The following FNIP2 variants were observed in gnomAD, a reference collection of about 807,000 sequenced individuals.
The protein encoded by FNIP2 is folliculin interacting protein 2.
Under a neutral mutation model 108.7 loss-of-function variants are expected in FNIP2, and 32 were observed. That is an observed-to-expected ratio of 0.29 (90% CI 0.22 to 0.40). The LOEUF is 0.40. FNIP2 is among the 10% of genes least tolerant of loss of function. FNIP2 has a pLI of 1.00. For synonymous variants in FNIP2, 480 were observed against 496.7 expected, an observed-to-expected ratio of 0.97 and a Z score of 0.45; for missense variants, 1,202 against 1,381.6, an observed-to-expected ratio of 0.87 and a Z score of 2.06.
chr4:158,824,232 G>A (rs1451298669), intron 1 of FNIP2, among the ~76,000 whole-genome samples: 1 of 152,186 alleles, frequency 6.6e-6, no homozygotes, highest in African/African-American at 2.4e-5. Flanking sequence ...GGCACTTTAC[G>A]CTTTGTAGGA....
intron 1 of FNIP2, among the ~76,000 whole-genome samples, chr4:158,790,028 C>T (rs190561671): frequency 6.6e-5 from 10 of 152,030 alleles, no homozygotes; most frequent in Non-Finnish European, 1.2e-4. Context: ...TTATGGGTCA[C>T]GGTCCCAACA....
At position 158,851,464 on chromosome 4, in the gene FNIP2, TTCC is replaced by T. The variant is rs1560801251; in HGVS notation, c.857+17_857+19del. The stretch of plus-strand genomic sequence containing the variant: ...CATCCCAAGAAGGTGAGTTGCAAGT[TTCC>T]TCTTGCTGAGAAAAGTAGGAGTGTA... On this transcript the variant is annotated intron_variant, in intron 8 of 16. Transcript: ENST00000264433. 1 of 1,613,808 alleles carries T rather than the reference TTCC, an allele frequency of 6.2e-7. No individual in the cohort carries two copies. Among genetic ancestry groups the T allele is most frequent in the South Asian group, 1.1e-5 (1 of 91,058 alleles).
intron 3 of FNIP2, among the ~76,000 whole-genome samples, chr4:158,830,203 C>A (rs964278569): frequency 6.7e-6 from 1 of 149,214 alleles, no homozygotes; most frequent in Admixed American, 6.7e-5. Context: ...TGAGCTATAA[C>A]GAGAGAGAGG....
Position 158,851,404 on chromosome 4 carries a change from C to T in FNIP2, c.811C>T (p.Leu271Phe), listed in dbSNP as rs373450479. 2 of 1,613,816 alleles carry T rather than the reference C, an allele frequency of 1.2e-6. No homozygotes were observed. Among genetic ancestry groups the T allele is most frequent in the South Asian group, 2.2e-5 (2 of 91,086 alleles). ...SSSSSYQRRWLRSQTTSLENG... is the reference protein window; with the variant it reads ...SSSSSYQRRWFRSQTTSLENG... ...TTCCAGCAGTTACCAGCGCCGCTGG[C>T]TTCGAAGTCAGACAACAAGTTTGGA... The change falls in exon 8 of 17, where the codon CTT becomes TTT. Residue 271 changes from leucine (L) to phenylalanine (F), a missense_variant. Physicochemically the swap from Leu to Phe is conservative, Grantham distance 22. Around this residue, in one of 5 missense-constraint regions of FNIP2, gnomAD observed 878 missense variants for 990.3 expected, o/e 0.89. Coordinates refer to ENST00000264433, the MANE Select transcript of FNIP2 (RefSeq NM_020840.3).
rs533577857 is a variant in FNIP2, at chr4:158,788,423, A to G, written c.107+19104A>G. Among the ~76,000 whole-genome samples, 12 of 152,334 alleles carry G rather than the reference A, an allele frequency of 7.9e-5. No homozygotes were observed. In the South Asian group the frequency reaches 1.9e-3, roughly 24 times the overall value. On this transcript the variant is annotated intron_variant, in intron 1 of 16. Coordinates refer to ENST00000264433, the MANE Select transcript of FNIP2 (RefSeq NM_020840.3). The stretch of plus-strand genomic sequence containing the variant: ...CAAATGTCTGAATAAATCAATAAGC[A>G]AAGGCCCGCTTAGCTCATGCTATAA...
intron 7 of FNIP2, among the ~76,000 whole-genome samples, chr4:158,839,376 T>TTTATTTA (rs781340690): frequency 1.9e-5 from 2 of 107,166 alleles, no homozygotes; most frequent in Admixed American, 9.0e-5. Flanking sequence ...TTATTTATTT[T>TTTATTTA]TTGGAGACGG....
intron 1 of FNIP2, among the ~76,000 whole-genome samples, chr4:158,782,073 T>G (rs6829398): frequency 6.6e-6 from 1 of 151,564 alleles, no homozygotes; most frequent in African/African-American, 2.4e-5. Flanking sequence ...TCCCTCCAGC[T>G]CTTTCCCTGT....
At chr4:158,888,491 C>G (rs1310949660) in intron 14 of FNIP2, among the ~76,000 whole-genome samples, 1 of 152,158 alleles carries the variant, frequency 6.6e-6, no homozygotes, top group Non-Finnish European at 1.5e-5. Context: ...AGATTCAGCC[C>G]CACTTTCAAG....
chr4:158,862,454 C>T (rs915020326), intron 12 of FNIP2, among the ~76,000 whole-genome samples: 7 of 152,028 alleles, frequency 4.6e-5, no homozygotes, highest in Non-Finnish European at 7.4e-5. Flanking sequence ...GGGTAAAAGG[C>T]GTGTTCTAAA....
chr4:158,829,372 G>T, intron 3 of FNIP2, 147 bp downstream of exon 3: 1 of 671,292 alleles, frequency 1.5e-6, no homozygotes. Context: ...GTTTCACATC[G>T]ATGTTGTTTT....
intron 1 of FNIP2, among the ~76,000 whole-genome samples, chr4:158,791,139 A>G (rs1189514660): frequency 6.6e-6 from 1 of 152,100 alleles, no homozygotes; most frequent in Non-Finnish European, 1.5e-5. Context: ...ATTTTCTGAT[A>G]GGAATTTGTG....
chr4:158,845,804 A>G (rs891277822), intron 7 of FNIP2, among the ~76,000 whole-genome samples: 1 of 152,260 alleles, frequency 6.6e-6, no homozygotes, highest in Non-Finnish European at 1.5e-5. Context: ...ATTAACAATG[A>G]TGTGCCACAG....
At chr4:158,891,752 G>A (rs1374561571) in intron 15 of FNIP2, 106 bp downstream of exon 15, 2 of 1,097,532 alleles carry the variant, frequency 1.8e-6, no homozygotes, top group African/African-American at 3.2e-5. Context: ...TAATATAATT[G>A]GAGATTAGCA....
intron 14 of FNIP2, among the ~76,000 whole-genome samples, chr4:158,875,541 T>TATATATATATATATAC (rs1553964269): frequency 2.1e-5 from 3 of 141,446 alleles, no homozygotes; most frequent in East Asian, 4.0e-4. Flanking sequence ...TATATATATA[T>TATATATATATATATAC]GCTCATGAAT....
intron 14 of FNIP2, chr4:158,890,056 G>C (rs1318775849): frequency 2.0e-6 from 2 of 985,220 alleles, no homozygotes; most frequent in Admixed American, 6.2e-5. Flanking sequence ...GAAAATCTTT[G>C]TACTTTTCAG....
chr4:158,817,041 C>G (rs912613547), intron 1 of FNIP2, among the ~76,000 whole-genome samples: 3 of 152,062 alleles, frequency 2.0e-5, no homozygotes, highest in African/African-American at 7.2e-5. Context: ...CTATATTGCT[C>G]AAACTCCTGG....
chr4:158,815,540 G>A (rs1218437098), intron 1 of FNIP2, among the ~76,000 whole-genome samples: 1 of 151,902 alleles, frequency 6.6e-6, no homozygotes, highest in East Asian at 1.9e-4. Context: ...CCGCCACCAC[G>A]CCCAGCTAAT....
At position 158,769,491 on chromosome 4, in the gene FNIP2, C is replaced by T. The variant is rs182353484; in HGVS notation, c.107+172C>T. ...GACGCGCCTGATCCGAGTGTGGCTC[C>T]GGACCCTCCGTGACCCTTCCTCCCG... On this transcript the variant is annotated intron_variant, in intron 1 of 16. Transcript: ENST00000264433. 3.3e-5 allele frequency among the ~76,000 whole-genome samples: 5 copies of T among 152,094 alleles called. No homozygotes were observed. The East Asian group carries it at 9.7e-4, about 29-fold the overall frequency.
chr4:158,792,498 G>C (rs1220734401), intron 1 of FNIP2, among the ~76,000 whole-genome samples: 1 of 151,990 alleles, frequency 6.6e-6, no homozygotes, highest in Non-Finnish European at 1.5e-5. Flanking sequence ...AGTGTCTTTA[G>C]GTAAGCTTTG....
Sources: gnomAD v4.1 joint callset for allele counts (sites outside exome capture counted in the v4.1 genomes callset) on GRCh38, gnomAD v4.1.1 for gene constraint, gnomAD v4.1.1 regional missense constraint, MANE v1.5 for transcripts, NCBI Gene and HGNC (gene_info 2026-07-23, HGNC 2026-07-21) for gene names.